Variants in PATJ observed in about 807,000 individuals in gnomAD.
PATJ encodes inaD-like protein.
In PATJ, 190 loss-of-function variants were observed where a neutral mutation model predicts 224.9. The ratio of observed to expected loss-of-function variants is 0.84; its 90% CI spans 0.75 to 0.95. The LOEUF (loss-of-function observed/expected upper bound fraction) is 0.95, where lower values mean the gene tolerates loss of function less well. Ranked by LOEUF, PATJ falls within the 40% of genes least tolerant of loss-of-function variation. The pLI, the probability that PATJ is intolerant of heterozygous loss-of-function variation, is 0.00. For synonymous variants in PATJ, 769 were observed against 820.3 expected, an observed-to-expected ratio of 0.94 and a Z score of 1.07; for missense variants, 2,121 against 2,270.3, an observed-to-expected ratio of 0.93 and a Z score of 1.34.
intron 27 of PATJ, among the ~76,000 whole-genome samples, chr1:61,968,524 T>G (rs1682488974): frequency 6.6e-6 from 1 of 152,200 alleles, no homozygotes; most frequent in Non-Finnish European, 1.5e-5. Flanking sequence ...CTCCAAAACT[T>G]TATCTTCCCA....
At chr1:61,794,562 CAA>C (rs968631582) in intron 9 of PATJ, among the ~76,000 whole-genome samples, 50 of 151,994 alleles carry the variant, frequency 3.3e-4, no homozygotes, top group Non-Finnish European at 5.1e-4. Flanking sequence ...GCTTTAAAAT[CAA>C]AGTTTTAATT....
chr1:61,783,872 T>C (rs1029790403), intron 7 of PATJ, among the ~76,000 whole-genome samples: 2 of 151,870 alleles, frequency 1.3e-5, no homozygotes, highest in Non-Finnish European at 2.9e-5. Context: ...GCCTCCCATG[T>C]AGCTGGGATC....
intron 19 of PATJ, among the ~76,000 whole-genome samples, chr1:61,863,813 T>G (rs1664998272): frequency 6.6e-6 from 1 of 152,258 alleles, no homozygotes; most frequent in African/African-American, 2.4e-5. Context: ...TAATTTCTTT[T>G]GAGTTATTTA....
At position 61,875,279 on chromosome 1, in the gene PATJ, G is replaced by A; in HGVS notation, c.2872G>A (p.Val958Ile). Residue 958 changes from valine (V) to isoleucine (I), a missense_variant, in exon 21 of 44, where the codon GTA becomes ATA. Transcript: ENST00000642238. ...ENFVMESLPS[V>I]PSTEGNSQQG... ...TTTTGTCATGGAGTCCCTACCATCT[G>A]TACCATCAACTGAAGGAAACAGTCA... is the stretch of plus-strand genomic sequence containing the variant. The A allele has an allele frequency of 6.2e-7, 1 of 1,607,168 alleles. No individual in the cohort carries two copies. The highest frequency in any genetic ancestry group is 8.5e-7 in the Non-Finnish European group (1 of 1,174,710).
At chr1:62,102,360 T>A (rs749740159) in intron 33 of PATJ, among the ~76,000 whole-genome samples, 1 of 152,166 alleles carries the variant, frequency 6.6e-6, no homozygotes, top group Non-Finnish European at 1.5e-5. Context: ...CTATAAATGA[T>A]CCTCAGTTCT....
chr1:61,822,639 A>T (rs12755468), intron 14 of PATJ, among the ~76,000 whole-genome samples: 23,674 of 152,052 alleles, frequency 0.16, 2,032 homozygotes, highest in South Asian at 0.27. Context: ...TAGAAAAGTG[A>T]AACACAGCAT....
intron 16 of PATJ, among the ~76,000 whole-genome samples, chr1:61,829,014 C>T (rs1168585229): frequency 6.6e-6 from 1 of 152,156 alleles, no homozygotes; most frequent in African/African-American, 2.4e-5. Flanking sequence ...TAACACAATG[C>T]CTTGTACGTG....
At chr1:61,822,230 C>T (rs1162960236) in intron 14 of PATJ, among the ~76,000 whole-genome samples, 6 of 151,804 alleles carry the variant, frequency 4.0e-5, no homozygotes, top group Non-Finnish European at 8.8e-5. Context: ...ACTAGGAATT[C>T]TCAACATAGC....
intron 3 of PATJ, among the ~76,000 whole-genome samples, chr1:61,763,982 TTGTGTGTGTGTGTGGTCTTTTTTTTTG>T (rs1646118495): frequency 1.3e-5 from 2 of 150,696 alleles, no homozygotes; most frequent in East Asian, 1.9e-4. Context: ...AAGTCTTTTT[TTGTGTGTGTGTGTGGTCTTTTTTTTTG>T]TGTGTGTGTG....
chr1:61,818,861 A>T (rs1158341298), intron 14 of PATJ, among the ~76,000 whole-genome samples: 1 of 152,182 alleles, frequency 6.6e-6, no homozygotes, highest in African/African-American at 2.4e-5. Flanking sequence ...AATGGGGGTC[A>T]TCATATGAAT....
At chr1:61,982,710 A>G (rs1270751496) in intron 27 of PATJ, among the ~76,000 whole-genome samples, 1 of 152,068 alleles carries the variant, frequency 6.6e-6, no homozygotes, top group African/African-American at 2.4e-5. Flanking sequence ...TATATGCTAG[A>G]AGACTTTTTA....
intron 22 of PATJ, 135 bp downstream of exon 22, chr1:61,884,543 A>G: frequency 1.6e-6 from 1 of 638,526 alleles, no homozygotes. Flanking sequence ...AAAATCCACT[A>G]TATTTGACAA....
chr1:61,751,009 T>A (rs2148183554), intron 1 of PATJ, among the ~76,000 whole-genome samples: 1 of 150,640 alleles, frequency 6.6e-6, no homozygotes, highest in Non-Finnish European at 1.5e-5. Flanking sequence ...TACTTTTTTT[T>A]TTTTTTTTGA....
intron 15 of PATJ, 81 bp from the exon 16 acceptor site, chr1:61,827,341 T>G (rs1658451191): frequency 8.2e-7 from 1 of 1,214,024 alleles, no homozygotes; most frequent in Non-Finnish European, 1.1e-6. Flanking sequence ...ATTTTCATTT[T>G]GGTAGATGGA....
chr1:61,998,004 T>TATATATATATATATATATATA (rs1342142560), intron 28 of PATJ, among the ~76,000 whole-genome samples: 23 of 104,630 alleles, frequency 2.2e-4, no homozygotes, highest in African/African-American at 1.1e-3. Flanking sequence ...ATATAATATA[T>TATATATATATATATATATATA]TATATATATT....
chr1:61,896,472 G>A (rs1177513130), intron 22 of PATJ, among the ~76,000 whole-genome samples: 1 of 152,080 alleles, frequency 6.6e-6, no homozygotes, highest in African/African-American at 2.4e-5. Flanking sequence ...GATTTTACAG[G>A]CTTCTAGGTG....
chr1:61,861,265 C>A (rs1570948146), intron 18 of PATJ, among the ~76,000 whole-genome samples: 1 of 65,298 alleles, frequency 1.5e-5, no homozygotes, highest in Non-Finnish European at 3.8e-5. Flanking sequence ...AGTTTGAAAC[C>A]AGGATATTTT....
intron 21 of PATJ, among the ~76,000 whole-genome samples, chr1:61,878,920 A>G (rs767972877): frequency 2.2e-4 from 33 of 152,002 alleles, no homozygotes; most frequent in Non-Finnish European, 4.0e-4. Context: ...AGTAGCTGGG[A>G]TTACAGGCGT....
intron 20 of PATJ, among the ~76,000 whole-genome samples, chr1:61,867,455 C>T (rs1235472722): frequency 6.6e-6 from 1 of 152,028 alleles, no homozygotes; most frequent in Non-Finnish European, 1.5e-5. Context: ...CAAAAGGCAA[C>T]CTGAAATATC....
Sources: allele counts gnomAD v4.1 joint callset (sites outside exome capture counted in the v4.1 genomes callset), GRCh38; gene constraint gnomAD v4.1.1; transcripts MANE v1.5; gene names NCBI Gene and HGNC (gene_info 2026-07-23, HGNC 2026-07-21).